The following PATJ variants were observed in gnomAD, a reference collection of about 807,000 sequenced individuals.
PATJ encodes the protein PATJ crumbs cell polarity complex component, also known as inaD-like protein.
Under a neutral mutation model 224.9 loss-of-function variants are expected in PATJ, and 190 were observed. The ratio of observed to expected loss-of-function variants is 0.84; its 90% CI spans 0.75 to 0.95. The LOEUF (loss-of-function observed/expected upper bound fraction) is 0.95. PATJ is among the 40% of genes least tolerant of loss of function. The pLI is 0.00. For synonymous variants in PATJ, 769 were observed against 820.3 expected, an observed-to-expected ratio of 0.94 and a Z score of 1.07; for missense variants, 2,121 against 2,270.3, an observed-to-expected ratio of 0.93 and a Z score of 1.34.
intron 33 of PATJ, among the ~76,000 whole-genome samples, chr1:62,097,998 G>A (rs548985859): frequency 3.3e-5 from 5 of 152,314 alleles, no homozygotes; most frequent in East Asian, 1.9e-4. Flanking sequence ...GCAAGGTGCA[G>A]TGGCTCACCC....
intron 27 of PATJ, among the ~76,000 whole-genome samples, chr1:61,961,135 C>T (rs560425244): frequency 6.6e-6 from 1 of 152,288 alleles, no homozygotes; most frequent in African/African-American, 2.4e-5. Context: ...CGCTCTGGAA[C>T]GATGCCAACA....
At chr1:61,985,103 A>G (rs551109654) in intron 27 of PATJ, among the ~76,000 whole-genome samples, 2 of 152,190 alleles carry the variant, frequency 1.3e-5, no homozygotes, top group South Asian at 2.1e-4. Context: ...CACAAGGTCA[A>G]GAGATCAAGA....
Position 62,162,940 on chromosome 1 carries a change from CTG to C in PATJ, c.*1888_*1889del. 1 of 405,892 alleles carries C rather than the reference CTG, an allele frequency of 2.5e-6. No homozygotes were observed. Among genetic ancestry groups the C allele is most frequent in the South Asian group, 1.7e-5 (1 of 57,232 alleles). The allele number at this position is 405,892 out of a possible 1,614,324, so 25.1% of individuals were successfully genotyped here. On this transcript the variant is annotated 3_prime_UTR_variant, in exon 44 of 44. Transcript: ENST00000642238. ...CCAGCCTGGGTGACAGAGCAAGACT[CTG>C]TCTCGAAAAAGAAAAAAAACCATGA...
chr1:61,965,073 G>C (rs1681895351), intron 27 of PATJ, among the ~76,000 whole-genome samples: 1 of 129,552 alleles, frequency 7.7e-6, no homozygotes, highest in African/African-American at 2.9e-5. Context: ...GCTGAGCTGA[G>C]AGTGCACCAC....
chr1:61,772,109 T>G (rs895775713), intron 6 of PATJ, among the ~76,000 whole-genome samples: 7 of 150,824 alleles, frequency 4.6e-5, no homozygotes, highest in African/African-American at 1.5e-4. Context: ...GACGGTCGTT[T>G]TTTTTTTTTT....
intron 27 of PATJ, among the ~76,000 whole-genome samples, chr1:61,970,288 A>G (rs72676286): frequency 0.14 from 20,479 of 150,360 alleles, 1,854 homozygotes; most frequent in Middle Eastern, 0.23. Flanking sequence ...AGTTCCCAAT[A>G]CCTCCCCCAC....
At chr1:61,879,623 T>C (rs2149049365) in intron 21 of PATJ, among the ~76,000 whole-genome samples, 1 of 140,934 alleles carries the variant, frequency 7.1e-6, no homozygotes, top group East Asian at 2.1e-4. Context: ...TTTTTTTTTT[T>C]CTGGAGCCCA....
intron 30 of PATJ, among the ~76,000 whole-genome samples, chr1:62,045,510 G>A (rs1430681953): frequency 1.3e-5 from 2 of 152,188 alleles, no homozygotes; most frequent in African/African-American, 2.4e-5. Flanking sequence ...AGTAGGGGTT[G>A]ATCTGCAAAC....
chr1:62,145,543 C>T (rs551085593), intron 41 of PATJ, among the ~76,000 whole-genome samples: 332 of 152,186 alleles, frequency 2.2e-3, no homozygotes, highest in Non-Finnish European at 3.4e-3. Flanking sequence ...TGCCGGTAGT[C>T]CCAGCTACTT....
At chr1:62,000,179 G>A (rs987308496) in intron 28 of PATJ, among the ~76,000 whole-genome samples, 25 of 150,322 alleles carry the variant, frequency 1.7e-4, no homozygotes, top group Non-Finnish European at 2.8e-4. Context: ...GACAGCCACC[G>A]TGCCCAGCCT....
intron 22 of PATJ, among the ~76,000 whole-genome samples, chr1:61,895,664 C>CAG (rs35818435): frequency 0.62 from 94,123 of 151,780 alleles, 30,019 homozygotes; most frequent in Middle Eastern, 0.7. Flanking sequence ...GAAGTCAACT[C>CAG]GGGCAGAGCC....
intron 28 of PATJ, among the ~76,000 whole-genome samples, chr1:62,002,901 A>G (rs540443569): frequency 6.6e-6 from 1 of 152,332 alleles, no homozygotes; most frequent in South Asian, 2.1e-4. Flanking sequence ...GGTTCTAATT[A>G]GATCAGCTGT....
At chr1:62,153,112 A>C (rs890540065) in intron 42 of PATJ, among the ~76,000 whole-genome samples, 2 of 152,236 alleles carry the variant, frequency 1.3e-5, no homozygotes, top group African/African-American at 4.8e-5. Flanking sequence ...CTTTATCTTT[A>C]ATTAGCAATC....
intron 21 of PATJ, among the ~76,000 whole-genome samples, chr1:61,882,869 A>G (rs1316209692): frequency 2.6e-5 from 4 of 152,228 alleles, no homozygotes; most frequent in Non-Finnish European, 4.4e-5. Flanking sequence ...CCTGGCCAAT[A>G]TTCTGCTTTT....
At chr1:61,843,780 T>C (rs192216297) in intron 17 of PATJ, among the ~76,000 whole-genome samples, 1 of 152,116 alleles carries the variant, frequency 6.6e-6, no homozygotes, top group Non-Finnish European at 1.5e-5. Flanking sequence ...ATAATCAGTG[T>C]TCCTATTATA....
At chr1:61,765,066 ATTTTTTTTTTTTTTTTTT>A (rs71582647) in intron 3 of PATJ, among the ~76,000 whole-genome samples, 11 of 24,012 alleles carry the variant, frequency 4.6e-4, no homozygotes, top group African/African-American at 1.3e-3. Context: ...ATTGACATTC[ATTTTTTTTTTTTTTTTTT>A]TTTTTTTTTT....
chr1:61,833,834 T>G (rs1659741360), intron 17 of PATJ, 49 bp downstream of exon 17: 3 of 1,552,654 alleles, frequency 1.9e-6, no homozygotes, highest in South Asian at 2.4e-5. Context: ...TTGGTTTGTA[T>G]TAAAGTTATG....
At chr1:62,090,542 G>C (rs970717832) in intron 33 of PATJ, among the ~76,000 whole-genome samples, 1 of 152,116 alleles carries the variant, frequency 6.6e-6, no homozygotes, top group Non-Finnish European at 1.5e-5. Context: ...CCACTTTCTA[G>C]ATTTAATTAA....
intron 33 of PATJ, among the ~76,000 whole-genome samples, chr1:62,105,661 A>C (rs1300935510): frequency 1.3e-5 from 2 of 152,180 alleles, no homozygotes; most frequent in East Asian, 3.9e-4. Flanking sequence ...AGAAAGGTCT[A>C]AAATGTATTC....
Sources: allele counts gnomAD v4.1 joint callset (sites outside exome capture counted in the v4.1 genomes callset), GRCh38; gene constraint gnomAD v4.1.1; transcripts MANE v1.5; gene names NCBI Gene and HGNC (gene_info 2026-07-23, HGNC 2026-07-21).